Variants in MAST4 observed in about 807,000 individuals in gnomAD.
The protein encoded by MAST4 is microtubule-associated serine/threonine-protein kinase 4.
Under a neutral mutation model 162.7 loss-of-function variants are expected in MAST4, and 89 were observed. That is an observed-to-expected ratio of 0.55 (90% CI 0.46 to 0.65). MAST4 has a LOEUF of 0.65. Among genes scored for constraint, MAST4 ranks in the 30% least tolerant of loss-of-function variants. The probability of loss-of-function intolerance (pLI) is 0.00; values close to 1 mark genes in which losing one functional copy is unlikely to be tolerated. For missense variants in MAST4, 3,153 were observed against 3,374.0 expected (o/e 0.93, Z 1.62); for synonymous variants, 1,479 against 1,361.1 (o/e 1.09, Z -1.91).
At chr5:67,134,949 C>T (rs1417817553) in intron 18 of MAST4, among the ~76,000 whole-genome samples, 1 of 152,074 alleles carries the variant, frequency 6.6e-6, no homozygotes, top group Non-Finnish European at 1.5e-5. Context: ...TTATAGTGTG[C>T]TTTTTCTGCA....
At chr5:66,843,296 A>T (rs1471424572) in intron 3 of MAST4, among the ~76,000 whole-genome samples, 1 of 152,160 alleles carries the variant, frequency 6.6e-6, no homozygotes, top group Admixed American at 6.6e-5. Flanking sequence ...ATTCATTTGT[A>T]TTTTTAAGTC....
chr5:66,728,693 C>A (rs1384947356), intron 1 of MAST4, among the ~76,000 whole-genome samples: 1 of 152,138 alleles, frequency 6.6e-6, no homozygotes, highest in Non-Finnish European at 1.5e-5. Context: ...CAAAGGACAC[C>A]TTCACTGGAG....
intron 1 of MAST4, among the ~76,000 whole-genome samples, chr5:66,720,383 G>A (rs566770132): frequency 1.3e-5 from 2 of 152,010 alleles, no homozygotes; most frequent in South Asian, 4.2e-4. Context: ...ATCATTGTCA[G>A]CATTGTCTAT....
chr5:66,782,146 A>C (rs535148790), intron 2 of MAST4, among the ~76,000 whole-genome samples: 1 of 151,968 alleles, frequency 6.6e-6, no homozygotes, highest in African/African-American at 2.4e-5. Context: ...AAAATTAGGC[A>C]GGCATGGTGG....
chr5:67,150,704 G>A (rs1243670283), intron 24 of MAST4, among the ~76,000 whole-genome samples: 1 of 152,142 alleles, frequency 6.6e-6, no homozygotes, highest in African/African-American at 2.4e-5. Flanking sequence ...TAAAGAAGTG[G>A]GGGCCTGGCC....
At chr5:67,025,365 G>A (rs563817423) in intron 4 of MAST4, among the ~76,000 whole-genome samples, 6 of 152,146 alleles carry the variant, frequency 3.9e-5, no homozygotes, top group Non-Finnish European at 7.4e-5. Context: ...ATGTGATATG[G>A]AAAATACATG....
chr5:66,980,547 A>G (rs1748665687), intron 4 of MAST4, among the ~76,000 whole-genome samples: 1 of 152,182 alleles, frequency 6.6e-6, no homozygotes, highest in Non-Finnish European at 1.5e-5. Flanking sequence ...CTCACGTGGA[A>G]TTTTACAAGA....
At chr5:66,907,809 A>T (rs1763485527) in intron 4 of MAST4, among the ~76,000 whole-genome samples, 1 of 152,178 alleles carries the variant, frequency 6.6e-6, no homozygotes. Flanking sequence ...ATTTTCAGCA[A>T]AGTAAAGGCA....
At chr5:66,747,559 C>T (rs79524423) in intron 1 of MAST4, among the ~76,000 whole-genome samples, 1,553 of 152,192 alleles carry the variant, frequency 0.01, 12 homozygotes, top group South Asian at 0.05. Flanking sequence ...GCTTACCAAA[C>T]CTTTGGTGGC....
At chr5:66,945,950 T>C (rs1338697277) in intron 4 of MAST4, among the ~76,000 whole-genome samples, 1 of 152,188 alleles carries the variant, frequency 6.6e-6, no homozygotes, top group Non-Finnish European at 1.5e-5. Context: ...TTATAAGGTT[T>C]ATTTCAAACA....
At chr5:66,680,522 C>A (rs1180713881) in intron 1 of MAST4, among the ~76,000 whole-genome samples, 1 of 152,172 alleles carries the variant, frequency 6.6e-6, no homozygotes, top group African/African-American at 2.4e-5. Flanking sequence ...CTGGCGCTAA[C>A]CACAGATCTT....
At chr5:67,122,421 T>C (rs1767698385) in intron 14 of MAST4, among the ~76,000 whole-genome samples, 1 of 152,234 alleles carries the variant, frequency 6.6e-6, no homozygotes, top group Non-Finnish European at 1.5e-5. Flanking sequence ...ATATTTCCTA[T>C]TGTGGCTTAT....
chr5:66,600,985 A>C (rs1003998432), intron 1 of MAST4, among the ~76,000 whole-genome samples: 3 of 152,222 alleles, frequency 2.0e-5, no homozygotes, highest in Non-Finnish European at 4.4e-5. Context: ...TCTCTTATTA[A>C]CAATAGGCTT....
At position 66,665,938 on chromosome 5, in the gene MAST4, A is replaced by G. The variant is rs186042217; in HGVS notation, c.363+68920A>G. On this transcript the variant is annotated intron_variant, in intron 1 of 28. Transcript: ENST00000403625. ...GCAATCTCTGGTTCTGGAAAAACCT[A>G]TTGGAAGTAGAAGAGTAGTTCTTAC... Among the ~76,000 whole-genome samples, 35 of 152,344 alleles carry G rather than the reference A, an allele frequency of 2.3e-4. No individual in the cohort carries two copies. The East Asian group carries it at 6.6e-3, about 29-fold the overall frequency.
chr5:67,078,463 A>G (rs1053378663), intron 5 of MAST4, among the ~76,000 whole-genome samples: 2 of 151,424 alleles, frequency 1.3e-5, no homozygotes, highest in Non-Finnish European at 2.9e-5. Flanking sequence ...AGCTTCACTC[A>G]TAATCATCTG....
In MAST4 at chr5:66,899,993, G is replaced by T; in HGVS notation, c.674+11G>T. ...CAGAAGAGGAAGTTTGTAAGTAGTA[G>T]TATTTTGTTTCCTTGTTTTCTTTTT... is the stretch of plus-strand genomic sequence containing the variant. On this transcript the variant is annotated intron_variant, in intron 4 of 28. Coordinates refer to ENST00000403625, the MANE Select transcript of MAST4 (RefSeq NM_001164664.2). The T allele has an allele frequency of 6.7e-7, 1 of 1,501,826 alleles. No individual in the cohort carries two copies. The allele number at this position is 1,501,826 out of a possible 1,614,324, so 93.0% of individuals were successfully genotyped here.
rs115370492 is a variant in MAST4 at position 66,947,123 on chromosome 5, T to G, written c.674+47141T>G. Among the ~76,000 whole-genome samples the G allele has an allele frequency of 6.6e-3, 1,006 of 152,070 alleles. 14 individuals carry two copies. Among genetic ancestry groups the G allele is most frequent in the African/African-American group, 0.023 (963 of 41,490 alleles). ...CTCTTAGGGACAGTCAATGTGAGAG[T>G]ATTTTATTTTTCTTTCTTATTTTTT... On this transcript the variant is annotated intron_variant, in intron 4 of 28. Transcript: ENST00000403625.
At chr5:67,111,485 T>C (rs931911981) in intron 11 of MAST4, among the ~76,000 whole-genome samples, 3 of 151,850 alleles carry the variant, frequency 2.0e-5, no homozygotes, top group Admixed American at 2.0e-4. Context: ...ACCCTTAGAA[T>C]CATAGAATCA....
intron 3 of MAST4, among the ~76,000 whole-genome samples, chr5:66,789,236 G>T (rs1323050149): frequency 6.6e-6 from 1 of 152,012 alleles, no homozygotes; most frequent in Non-Finnish European, 1.5e-5. Context: ...ATTTTTTGAG[G>T]TATTTGAGAG....
Sources: allele counts gnomAD v4.1 joint callset (sites outside exome capture counted in the v4.1 genomes callset), GRCh38; gene constraint gnomAD v4.1.1; transcripts MANE v1.5; gene names NCBI Gene and HGNC (gene_info 2026-07-23, HGNC 2026-07-21).